The following CNTNAP5 variants were observed in gnomAD, a reference collection of about 807,000 sequenced individuals.
The protein encoded by CNTNAP5 is contactin-associated protein-like 5.
CNTNAP5 carries 72 observed loss-of-function variants against 150.2 expected under a neutral mutation model. The ratio of observed to expected loss-of-function variants is 0.48; its 90% CI spans 0.40 to 0.58. CNTNAP5 has a LOEUF of 0.58. CNTNAP5 is among the 20% of genes least tolerant of loss of function. The pLI is 0.00. For synonymous variants in CNTNAP5, 672 were observed against 619.8 expected, an observed-to-expected ratio of 1.08 and a Z score of -1.25; for missense variants, 1,636 against 1,626.2, an observed-to-expected ratio of 1.01 and a Z score of -0.10.
chr2:124,038,174 C>A (rs567018979), intron 1 of CNTNAP5, among the ~76,000 whole-genome samples: 2 of 152,250 alleles, frequency 1.3e-5, no homozygotes, highest in East Asian at 3.9e-4. Context: ...GGACCCTGTC[C>A]GACTGGCTTC....
chr2:124,790,234 T>G, intron 18 of CNTNAP5, 93 bp downstream of exon 18: 1 of 1,319,868 alleles, frequency 7.6e-7, no homozygotes, highest in Middle Eastern at 2.4e-4. Context: ...TGAGACAGTC[T>G]TTATCATCTA....
intron 2 of CNTNAP5, among the ~76,000 whole-genome samples, chr2:124,227,478 AC>A (rs1686488789): frequency 6.6e-6 from 1 of 152,188 alleles, no homozygotes; most frequent in Non-Finnish European, 1.5e-5. Context: ...AAGAGTAGGT[AC>A]TAAGATACAC....
chr2:124,917,465 C>T lies in CNTNAP5; in HGVS notation c.*3177C>T, dbSNP rs1406943405. Among the ~76,000 whole-genome samples the T allele has an allele frequency of 6.6e-6, 1 of 152,038 alleles. No individual in the cohort carries two copies. The highest frequency in any genetic ancestry group is 2.4e-5 in the African/African-American group (1 of 41,416). On this transcript the variant is annotated 3_prime_UTR_variant, in exon 24 of 24. Transcript: ENST00000682447. ...TTTGTCTGGAGAAATAGACATTTGT[C>T]ATTTCTATAGACATATTTTTATGAC...
chr2:124,786,388 AAAG>A (rs1361929741), intron 17 of CNTNAP5, among the ~76,000 whole-genome samples: 5 of 88,276 alleles, frequency 5.7e-5, no homozygotes, highest in Non-Finnish European at 9.1e-5. Context: ...AGAAAGAAAG[AAAG>A]AAAGAAAGAA....
intron 17 of CNTNAP5, among the ~76,000 whole-genome samples, chr2:124,786,053 A>G (rs1048857146): frequency 1.3e-5 from 2 of 152,034 alleles, no homozygotes; most frequent in African/African-American, 4.8e-5. Context: ...TGGGCAACAT[A>G]GTAAGACCTC....
At position 124,451,995 on chromosome 2, in the gene CNTNAP5, T is replaced by C. The variant is rs191450494; in HGVS notation, c.918+5058T>C. 1.6e-3 allele frequency among the ~76,000 whole-genome samples: 244 copies of C among 152,200 alleles called. 3 individuals carry two copies. Among genetic ancestry groups the C allele is most frequent in the Admixed American group, 0.013 (195 of 15,304 alleles). The stretch of plus-strand genomic sequence containing the variant: ...AAAAGGCCATAGGGAGAAGGAAATC[T>C]CTAGGTGAACTTCGTAACAATTTGA... On this transcript the variant is annotated intron_variant, in intron 6 of 23. Transcript: ENST00000682447.
chr2:124,859,230 C>T (rs1677453385), intron 19 of CNTNAP5, among the ~76,000 whole-genome samples: 1 of 151,702 alleles, frequency 6.6e-6, no homozygotes, highest in African/African-American at 2.4e-5. Context: ...CAAACAACCC[C>T]ATCAACAAGT....
intron 9 of CNTNAP5, among the ~76,000 whole-genome samples, chr2:124,527,078 T>G (rs1694985227): frequency 6.6e-6 from 1 of 152,174 alleles, no homozygotes; most frequent in Admixed American, 6.5e-5. Context: ...CGCTTTTTAT[T>G]TTCTCTACAG....
At chr2:124,557,218 C>A (rs1324593692) in intron 10 of CNTNAP5, among the ~76,000 whole-genome samples, 1 of 152,108 alleles carries the variant, frequency 6.6e-6, no homozygotes, top group Non-Finnish European at 1.5e-5. Flanking sequence ...TTTATGGTCT[C>A]TATCTTACTT....
chr2:124,125,115 G>A (rs1683657328), intron 1 of CNTNAP5, among the ~76,000 whole-genome samples: 1 of 152,110 alleles, frequency 6.6e-6, no homozygotes, highest in South Asian at 2.1e-4. Flanking sequence ...GACACAGACT[G>A]GCAAAATGGA....
At chr2:124,144,979 C>T (rs1394014070) in intron 1 of CNTNAP5, among the ~76,000 whole-genome samples, 3 of 90,958 alleles carry the variant, frequency 3.3e-5, no homozygotes, top group Admixed American at 1.2e-4. Context: ...AAAAAGTGGG[C>T]GAAGGACATG....
chr2:124,328,269 G>A (rs1223087988), intron 3 of CNTNAP5, among the ~76,000 whole-genome samples: 1 of 152,094 alleles, frequency 6.6e-6, no homozygotes, highest in Non-Finnish European at 1.5e-5. Context: ...CTACATTGCA[G>A]ATTTTACATT....
rs918827930 is a variant in CNTNAP5, at chr2:124,610,933, C to T, written c.1876+1013C>T. On this transcript the variant is annotated intron_variant, in intron 12 of 23. Transcript: ENST00000682447. ...GATCGTGCCACTGCACTCCAGCCTG[C>T]GACAGGGCGAGACACCGTCTCAAAA... is the stretch of plus-strand genomic sequence containing the variant. Among the ~76,000 whole-genome samples, 13 of 135,530 alleles carry T rather than the reference C, an allele frequency of 9.6e-5. No homozygotes were observed. In the East Asian group the frequency reaches 1.1e-3, roughly 12 times the overall value. The allele number at this position is 135,530 out of a possible 152,430, so 88.9% of individuals were successfully genotyped here.
rs557111087 is a variant in CNTNAP5, at chr2:124,440,109, A to G, written c.733+5422A>G. ...TTAGGTAAATCTTGTGGCTTCTTGGAGACTCACCTTTCTGCAGGGTTATTA... is the reference window on the plus strand; with the variant it reads ...TTAGGTAAATCTTGTGGCTTCTTGGGGACTCACCTTTCTGCAGGGTTATTA... On this transcript the variant is annotated intron_variant, in intron 5 of 23. Transcript: ENST00000682447. Among the ~76,000 whole-genome samples, 5 of 152,244 alleles carry G rather than the reference A, an allele frequency of 3.3e-5. No homozygotes were observed. In the South Asian group the frequency reaches 1.0e-3, roughly 32 times the overall value.
Position 124,773,110 on chromosome 2 carries a change from G to A in CNTNAP5, c.2752+93G>A, listed in dbSNP as rs575193428. On this transcript the variant is annotated intron_variant, in intron 17 of 23. Transcript: ENST00000682447. Reference sequence around the variant, plus strand: ...AAAAATTCTCTTTTATCTGAGATCTGGGATATGATCAAAATGTCATAAATC... The same window carrying A: ...AAAAATTCTCTTTTATCTGAGATCTAGGATATGATCAAAATGTCATAAATC... 42 of 901,902 alleles carry A rather than the reference G, an allele frequency of 4.7e-5. No homozygotes were observed. The African/African-American group carries it at 6.1e-4, about 13-fold the overall frequency. 55.9% of individuals were successfully genotyped at this position (901,902 alleles called of 1,614,324 possible). A position where few individuals can be genotyped will look rare whatever the true frequency, so the allele number is the denominator to read the frequency against.
chr2:124,038,195 G>A (rs955248834), intron 1 of CNTNAP5, among the ~76,000 whole-genome samples: 3 of 152,190 alleles, frequency 2.0e-5, no homozygotes, highest in Non-Finnish European at 2.9e-5. Context: ...GGAGGATCCC[G>A]TTGGTAGGCA....
chr2:124,135,503 A>C (rs1274666068), intron 1 of CNTNAP5, among the ~76,000 whole-genome samples: 3 of 152,246 alleles, frequency 2.0e-5, no homozygotes, highest in Admixed American at 6.5e-5. Flanking sequence ...TTCAAGAAAG[A>C]CTAGGAAAAA....
chr2:124,476,572 G>A (rs921035307), intron 7 of CNTNAP5, among the ~76,000 whole-genome samples: 2 of 152,118 alleles, frequency 1.3e-5, no homozygotes, highest in African/African-American at 4.8e-5. Flanking sequence ...GCTCAGTAGC[G>A]GCAGAAGTCT....
At chr2:124,065,221 G>A (rs959320) in intron 1 of CNTNAP5, among the ~76,000 whole-genome samples, 86,721 of 151,948 alleles carry the variant, frequency 0.57, 24,922 homozygotes, top group Admixed American at 0.61. Flanking sequence ...AAAAACAGCA[G>A]TTACTGAATG....
Sources: allele counts gnomAD v4.1 joint callset (sites outside exome capture counted in the v4.1 genomes callset), GRCh38; gene constraint gnomAD v4.1.1; transcripts MANE v1.5; gene names NCBI Gene and HGNC (gene_info 2026-07-23, HGNC 2026-07-21).